The following PNPT1 variants were observed in gnomAD, a reference collection of about 807,000 sequenced individuals.
The protein encoded by PNPT1 is polyribonucleotide nucleotidyltransferase 1.
PNPT1 carries 53 observed loss-of-function variants against 119.5 expected under a neutral mutation model. That is an observed-to-expected ratio of 0.44 (90% CI 0.36 to 0.56). The LOEUF is 0.56. Among genes scored for constraint, PNPT1 ranks in the 20% least tolerant of loss-of-function variants. PNPT1 has a pLI of 0.00. For missense variants in PNPT1, 948 were observed against 938.5 expected, an observed-to-expected ratio of 1.01 and a Z score of -0.13; for synonymous variants, 357 against 322.1, an observed-to-expected ratio of 1.11 and a Z score of -1.16.
At chr2:55,637,999 CAA>C (rs890316221) in intron 26 of PNPT1, among the ~76,000 whole-genome samples, 17 of 87,994 alleles carry the variant, frequency 1.9e-4, no homozygotes, top group Admixed American at 5.0e-4. Context: ...GAATCCGTCT[CAA>C]AAAAAAAAAA....
rs140640903 is a variant in PNPT1 at position 55,652,635 on chromosome 2, A to G, written c.1495+2265T>C. Among the ~76,000 whole-genome samples, 473 of 152,260 alleles carry G rather than the reference A, an allele frequency of 3.1e-3. 9 individuals carry two copies. Among genetic ancestry groups the G allele is most frequent in the Non-Finnish European group, 3.9e-3 (263 of 68,020 alleles). ...TCCCTTTGCTCATCCCTTAACCAGT[A>G]TGAATGGTGCACCTATTATTTAGTC... On this transcript the variant is annotated intron_variant, in intron 18 of 27. Coordinates refer to ENST00000447944, the MANE Select transcript of PNPT1 (RefSeq NM_033109.5).
intron 8 of PNPT1, among the ~76,000 whole-genome samples, chr2:55,679,247 G>A (rs944676944): frequency 6.6e-6 from 1 of 151,986 alleles, no homozygotes; most frequent in Non-Finnish European, 1.5e-5. Context: ...CTTCTCAAGA[G>A]GATACCAAGC....
chr2:55,650,378 C>T (rs546567597), intron 18 of PNPT1, among the ~76,000 whole-genome samples: 10 of 152,298 alleles, frequency 6.6e-5, no homozygotes, highest in Non-Finnish European at 1.0e-4. Flanking sequence ...CTCCTAACTG[C>T]GAGTGATCCG....
chr2:55,658,494 A>T (rs1277966792), intron 15 of PNPT1, among the ~76,000 whole-genome samples: 1 of 152,138 alleles, frequency 6.6e-6, no homozygotes, highest in African/African-American at 2.4e-5. Context: ...GTATTAAGCC[A>T]TCCTTTGTTT....
intron 18 of PNPT1, among the ~76,000 whole-genome samples, chr2:55,648,342 G>T (rs1696069560): frequency 6.6e-6 from 1 of 152,150 alleles, no homozygotes; most frequent in African/African-American, 2.4e-5. Context: ...CTCCCTGTAT[G>T]TTTTACAAGT....
Position 55,643,324 on chromosome 2 carries a change from C to T in PNPT1, c.2008G>A (p.Asp670Asn). 2 of 1,613,868 alleles carry T rather than the reference C, an allele frequency of 1.2e-6. No homozygotes were observed. The highest frequency in any genetic ancestry group is 1.3e-5 in the African/African-American group (1 of 75,042). The change falls in exon 24 of 28, where the codon GAT becomes AAT. Residue 670 changes from aspartate (D) to asparagine (N), a missense_variant. Transcript: ENST00000447944. The part of the protein sequence containing the change: ...ARDFITEICK[D>N]DQEQQLEFGA... Reference sequence around the variant, plus strand: ...TTAATATGATCTATACTTACATCATCCTTGCAGATTTCAGTAATGAAGTCT... The same window carrying T: ...TTAATATGATCTATACTTACATCATTCTTGCAGATTTCAGTAATGAAGTCT...
In PNPT1 at chr2:55,646,414, C is replaced by A; in HGVS notation, c.1674+1G>T. On this transcript the variant is annotated splice_donor_variant, in intron 20 of 27. Transcript: ENST00000447944. LOFTEE classifies it high-confidence loss of function. ...TGAAACAAAATGGGTTTTAAAAATA[C>A]CTGTAATGCAGTTATTCCTTTATTA... 3 of 1,611,088 alleles carry A rather than the reference C, an allele frequency of 1.9e-6. No homozygotes were observed. Among genetic ancestry groups the A allele is most frequent in the Non-Finnish European group, 2.5e-6 (3 of 1,178,282 alleles).
intron 1 of PNPT1, among the ~76,000 whole-genome samples, chr2:55,692,747 T>C (rs546139693): frequency 6.6e-6 from 1 of 152,304 alleles, no homozygotes; most frequent in South Asian, 2.1e-4. Context: ...AAACTGACTT[T>C]TCCTTTTCCT....
At chr2:55,649,310 T>C (rs1030521687) in intron 18 of PNPT1, among the ~76,000 whole-genome samples, 9 of 152,168 alleles carry the variant, frequency 5.9e-5, no homozygotes, top group Non-Finnish European at 7.3e-5. Context: ...AAGAAATACA[T>C]ATATGTTCAA....
At chr2:55,647,996 CA>C (rs1166858226) in intron 18 of PNPT1, among the ~76,000 whole-genome samples, 2 of 152,152 alleles carry the variant, frequency 1.3e-5, no homozygotes, top group African/African-American at 4.8e-5. Context: ...CTAACAATAG[CA>C]AACTTTATAA....
intron 2 of PNPT1, among the ~76,000 whole-genome samples, chr2:55,686,670 T>C (rs1193058337): frequency 2.0e-5 from 3 of 152,238 alleles, no homozygotes; most frequent in African/African-American, 7.2e-5. Flanking sequence ...TTTAGTCATA[T>C]TCAATGAATT....
rs548810995 is a variant in PNPT1 at position 55,663,120 on chromosome 2, G to A, written c.1177-1094C>T. ...AGTATGGTCTCGATCTCCTGACCTC[G>A]TGATCCATCTGCCTTGGCCTCCCAA... On this transcript the variant is annotated intron_variant, in intron 13 of 27. Coordinates refer to ENST00000447944, the MANE Select transcript of PNPT1 (RefSeq NM_033109.5). Among the ~76,000 whole-genome samples, 52 of 152,122 alleles carry A rather than the reference G, an allele frequency of 3.4e-4. 1 individual carries two copies. The highest frequency in any genetic ancestry group is 7.4e-4 in the Non-Finnish European group (50 of 68,004).
chr2:55,662,819 T>A (rs1042336040), intron 13 of PNPT1, among the ~76,000 whole-genome samples: 1 of 151,428 alleles, frequency 6.6e-6, no homozygotes, highest in South Asian at 2.1e-4. Flanking sequence ...TTCTCAAGAA[T>A]AAAGACCAGG....
intron 25 of PNPT1, among the ~76,000 whole-genome samples, chr2:55,641,629 C>T (rs1695836393): frequency 6.6e-6 from 1 of 152,036 alleles, no homozygotes; most frequent in South Asian, 2.1e-4. Context: ...CTAATCTTCC[C>T]TTTTTTCTCT....
chr2:55,673,364 A>T (rs1296965246), intron 8 of PNPT1, among the ~76,000 whole-genome samples: 1 of 152,118 alleles, frequency 6.6e-6, no homozygotes, highest in Non-Finnish European at 1.5e-5. Flanking sequence ...TCATGCACAT[A>T]TTTTAAAAAT....
At chr2:55,685,115 C>T in intron 3 of PNPT1, 67 bp from the exon 4 acceptor site, 1 of 1,180,090 alleles carries the variant, frequency 8.5e-7, no homozygotes, top group Non-Finnish European at 1.2e-6. Context: ...TGTATGAATG[C>T]TAATTCTCCT....
intron 13 of PNPT1, among the ~76,000 whole-genome samples, chr2:55,665,924 C>G (rs1696717967): frequency 6.6e-6 from 1 of 152,076 alleles, no homozygotes; most frequent in African/African-American, 2.4e-5. Flanking sequence ...AACCAGAAGG[C>G]TACCTGTTAA....
Position 55,662,045 on chromosome 2 carries a change from T to A in PNPT1, c.1177-19A>T. On this transcript the variant is annotated intron_variant, in intron 13 of 27. Coordinates refer to ENST00000447944, the MANE Select transcript of PNPT1 (RefSeq NM_033109.5). ...AAAGCACCTAAAAAAGAAAAAGAAT[T>A]CCTCAGGCTTTAATATACTAACCAC... The A allele has an allele frequency of 1.3e-6, 2 of 1,535,040 alleles. No homozygotes were observed. The highest frequency in any genetic ancestry group is 1.7e-6 in the Non-Finnish European group (2 of 1,147,332).
At chr2:55,649,914 G>T (rs1696116710) in intron 18 of PNPT1, among the ~76,000 whole-genome samples, 1 of 152,130 alleles carries the variant, frequency 6.6e-6, no homozygotes, top group Non-Finnish European at 1.5e-5. Flanking sequence ...TCAATGTCCT[G>T]TGGAACACTA....
Sources: allele counts gnomAD v4.1 joint callset (sites outside exome capture counted in the v4.1 genomes callset), GRCh38; gene constraint gnomAD v4.1.1; transcripts MANE v1.5; gene names NCBI Gene and HGNC (gene_info 2026-07-23, HGNC 2026-07-21).